SEMA6D: variants seen among roughly 807,000 people sequenced by gnomAD.
SEMA6D encodes semaphorin 6D.
Under a neutral mutation model 106.6 loss-of-function variants are expected in SEMA6D, and 35 were observed. The ratio of observed to expected loss-of-function variants is 0.33; its 90% confidence interval spans 0.25 to 0.44. The LOEUF is 0.44. SEMA6D is among the 20% of genes least tolerant of loss of function. The probability of loss-of-function intolerance (pLI) is 1.00; values close to 1 mark genes in which losing one functional copy is unlikely to be tolerated. For synonymous variants in SEMA6D, 499 were observed against 487.7 expected (o/e 1.02, Z -0.31); for missense variants, 1,185 against 1,345.9 (o/e 0.88, Z 1.87).
intron 1 of SEMA6D, among the ~76,000 whole-genome samples, chr15:47,306,235 G>A (rs574618617): frequency 4.6e-5 from 7 of 151,818 alleles, no homozygotes; most frequent in South Asian, 2.1e-4. Flanking sequence ...TGCCCACCTC[G>A]GCCTCCCAAA....
intron 4 of SEMA6D, among the ~76,000 whole-genome samples, chr15:47,620,234 T>C (rs2077074711): frequency 6.6e-6 from 1 of 151,934 alleles, no homozygotes; most frequent in African/African-American, 2.4e-5. Context: ...CCTGTGCACA[T>C]GCAGTGAATG....
At chr15:47,310,401 G>C (rs1369223448) in intron 1 of SEMA6D, among the ~76,000 whole-genome samples, 1 of 152,122 alleles carries the variant, frequency 6.6e-6, no homozygotes, top group African/African-American at 2.4e-5. Flanking sequence ...GTTTGTGTTT[G>C]TAGAGTAGAT....
intron 1 of SEMA6D, among the ~76,000 whole-genome samples, chr15:47,733,329 C>T (rs1423730091): frequency 6.6e-6 from 1 of 152,154 alleles, no homozygotes; most frequent in Admixed American, 6.5e-5. Flanking sequence ...AGTCCTAAGA[C>T]ATCATAAAAC....
chr15:47,481,286 G>A (rs1306891850), intron 3 of SEMA6D, among the ~76,000 whole-genome samples: 1 of 152,124 alleles, frequency 6.6e-6, no homozygotes, highest in East Asian at 1.9e-4. Flanking sequence ...ACTATACTCA[G>A]CTTTGGCTGT....
intron 4 of SEMA6D, among the ~76,000 whole-genome samples, chr15:47,684,539 A>G (rs1465163675): frequency 6.6e-6 from 1 of 152,196 alleles, no homozygotes; most frequent in East Asian, 1.9e-4. Context: ...TAATAGCAGG[A>G]AAGTATGAGT....
At chr15:47,346,715 T>C (rs1250389068) in intron 1 of SEMA6D, among the ~76,000 whole-genome samples, 1 of 152,126 alleles carries the variant, frequency 6.6e-6, no homozygotes, top group South Asian at 2.1e-4. Context: ...CATCTTTTCA[T>C]CTAAGAATGG....
Position 47,752,919 on chromosome 15 carries a change from G to T in SEMA6D, c.-54-6826G>T, listed in dbSNP as rs1365257158. ...AGCTACTTTGGAGGCTGAGGCAGGAGAATTGCTTGAACCTGGGAGGTGGAG... is the reference window on the plus strand; with the variant it reads ...AGCTACTTTGGAGGCTGAGGCAGGATAATTGCTTGAACCTGGGAGGTGGAG... On this transcript the variant is annotated intron_variant, in intron 1 of 18. Transcript: ENST00000536845. Among the ~76,000 whole-genome samples, 3 of 151,738 alleles carry T rather than the reference G, an allele frequency of 2.0e-5. No homozygotes were observed. In the East Asian group the frequency reaches 6.3e-4, roughly 32 times the overall value.
At chr15:47,535,307 ACCTAT>A (rs1365486116) in intron 3 of SEMA6D, among the ~76,000 whole-genome samples, 2 of 152,164 alleles carry the variant, frequency 1.3e-5, no homozygotes, top group East Asian at 3.9e-4. Context: ...ACAGGTGTTC[ACCTAT>A]CCCACAGATA....
intron 4 of SEMA6D, among the ~76,000 whole-genome samples, chr15:47,609,335 T>C (rs1380321182): frequency 6.6e-6 from 1 of 152,188 alleles, no homozygotes; most frequent in Admixed American, 6.5e-5. Context: ...TGTTGAGATA[T>C]ATATTTGGGG....
intron 1 of SEMA6D, among the ~76,000 whole-genome samples, chr15:47,232,911 T>TAC (rs932819149): frequency 2.0e-5 from 3 of 151,676 alleles, no homozygotes; most frequent in Non-Finnish European, 4.4e-5. Flanking sequence ...TGTTCTTGGA[T>TAC]ACACACACAC....
chr15:47,518,326 C>T (rs1390434634), intron 3 of SEMA6D, among the ~76,000 whole-genome samples: 1 of 152,132 alleles, frequency 6.6e-6, no homozygotes, highest in Non-Finnish European at 1.5e-5. Flanking sequence ...AAGCCTTTGT[C>T]TTATCTATTT....
intron 2 of SEMA6D, among the ~76,000 whole-genome samples, chr15:47,455,503 C>T (rs1395409023): frequency 6.6e-6 from 1 of 151,934 alleles, no homozygotes; most frequent in Non-Finnish European, 1.5e-5. Flanking sequence ...AGTGGGACCG[C>T]TGCCTTCCAT....
intron 3 of SEMA6D, among the ~76,000 whole-genome samples, chr15:47,564,349 A>C (rs1044221736): frequency 1.3e-5 from 2 of 152,194 alleles, no homozygotes; most frequent in African/African-American, 2.4e-5. Flanking sequence ...AACTTAGGCA[A>C]TTACTTAAAC....
intron 3 of SEMA6D, among the ~76,000 whole-genome samples, chr15:47,571,260 C>T (rs1159966243): frequency 1.3e-5 from 2 of 151,644 alleles, no homozygotes; most frequent in Non-Finnish European, 2.9e-5. Flanking sequence ...CACTCTGTAA[C>T]TGGAAAAGAA....
chr15:47,765,822 A>C, intron 13 of SEMA6D, 47 bp from the exon 14 acceptor site: 1 of 1,455,694 alleles, frequency 6.9e-7, no homozygotes, highest in South Asian at 1.7e-5. Flanking sequence ...AGCAAACCAC[A>C]CTTGACTGAC....
At chr15:47,760,239 A>T in intron 2 of SEMA6D, 65 bp from the exon 3 acceptor site, 1 of 1,112,242 alleles carries the variant, frequency 9.0e-7, no homozygotes, top group Non-Finnish European at 1.4e-6. Flanking sequence ...CAGCTAATCA[A>T]TGCTGTTTAT....
At chr15:47,495,089 G>A (rs1161687055) in intron 3 of SEMA6D, among the ~76,000 whole-genome samples, 2 of 151,514 alleles carry the variant, frequency 1.3e-5, no homozygotes, top group African/African-American at 4.8e-5. Flanking sequence ...ACTCCATGAG[G>A]GACTAAGTTT....
intron 3 of SEMA6D, among the ~76,000 whole-genome samples, chr15:47,588,947 T>C (rs2076389979): frequency 6.6e-6 from 1 of 152,196 alleles, no homozygotes; most frequent in African/African-American, 2.4e-5. Flanking sequence ...TGCATACTAA[T>C]GGCATCTAAT....
intron 4 of SEMA6D, among the ~76,000 whole-genome samples, chr15:47,611,511 G>A (rs1370068433): frequency 6.6e-6 from 1 of 152,096 alleles, no homozygotes; most frequent in Non-Finnish European, 1.5e-5. Context: ...GTGTTTATAT[G>A]TACAAAGTAC....
Sources: gnomAD v4.1 joint callset for allele counts (sites outside exome capture counted in the v4.1 genomes callset) on GRCh38, gnomAD v4.1.1 for gene constraint, MANE v1.5 for transcripts, NCBI Gene and HGNC (gene_info 2026-07-23, HGNC 2026-07-21) for gene names.